Variants in TLN2 observed in about 807,000 individuals in gnomAD.
TLN2 encodes the protein talin 2.
Under a neutral mutation model 294.7 loss-of-function variants are expected in TLN2, and 118 were observed. That is an observed-to-expected ratio of 0.40 (90% CI 0.34 to 0.47). The LOEUF is 0.47. Among genes scored for constraint, TLN2 ranks in the 20% least tolerant of loss-of-function variants. The probability of loss-of-function intolerance (pLI) is 0.84; values close to 1 mark genes in which losing one functional copy is unlikely to be tolerated. For synonymous variants in TLN2, 1,431 were observed against 1,304.5 expected, an observed-to-expected ratio of 1.10 and a Z score of -2.09; for missense variants, 3,083 against 3,282.2, an observed-to-expected ratio of 0.94 and a Z score of 1.48.
In TLN2 at chr15:62,717,532, A is replaced by G. The variant is rs748437358; in HGVS notation, c.2764-44A>G. On this transcript the variant is annotated intron_variant, in intron 23 of 58. Coordinates refer to ENST00000636159, the MANE Select transcript of TLN2 (RefSeq NM_015059.3). ...GAAGTGACCTGTAGAACATGCATGT[A>G]TATTGCATATGCAGATCCTGACTCA... 5 of 1,330,046 alleles carry G rather than the reference A, an allele frequency of 3.8e-6. No individual in the cohort carries two copies. In the South Asian group the frequency reaches 8.1e-5, roughly 22 times the overall value. The allele number at this position is 1,330,046 out of a possible 1,614,324, so 82.4% of individuals were successfully genotyped here.
intron 1 of TLN2, among the ~76,000 whole-genome samples, chr15:62,465,706 T>G (rs894085378): frequency 6.6e-6 from 1 of 152,230 alleles, no homozygotes; most frequent in Non-Finnish European, 1.5e-5. Context: ...GTGAGCTGAT[T>G]TTATGGTTGC....
chr15:62,395,980 C>T (rs144965242), intron 1 of TLN2, among the ~76,000 whole-genome samples: 159 of 152,134 alleles, frequency 1.0e-3, no homozygotes, highest in African/African-American at 3.8e-3. Flanking sequence ...GAATTACAGG[C>T]ACCCGCCACC....
intron 1 of TLN2, among the ~76,000 whole-genome samples, chr15:62,528,670 C>CTTTTTTT (rs3055755): frequency 2.6e-4 from 25 of 96,782 alleles, no homozygotes; most frequent in East Asian, 6.7e-4. Context: ...CCAGAGCTTG[C>CTTTTTTT]TTTTTTTTTT....
At chr15:62,480,363 G>A (rs1054403375) in intron 1 of TLN2, among the ~76,000 whole-genome samples, 4 of 152,000 alleles carry the variant, frequency 2.6e-5, no homozygotes, top group Non-Finnish European at 2.9e-5. Context: ...ATAGGTGCCC[G>A]CCACCATGCC....
intron 52 of TLN2, among the ~76,000 whole-genome samples, chr15:62,818,844 TTTTA>T (rs10565732): frequency 0.98 from 138,870 of 141,774 alleles, 68,030 homozygotes; most frequent in South Asian, 1. Flanking sequence ...TTTTTTTTAT[TTTTA>T]TTTATTTATT....
rs746576084 is a variant in TLN2, at chr15:62,647,420, G to T, written c.110G>T (p.Arg37Leu). The change falls in exon 4 of 59, where the codon CGG becomes CTG. Residue 37 changes from arginine (R) to leucine (L), a missense_variant. By Grantham distance (102) the Arg-to-Leu change is moderately radical (BLOSUM62 -2). Coordinates refer to ENST00000636159, the MANE Select transcript of TLN2 (RefSeq NM_015059.3). The stretch of plus-strand genomic sequence containing the variant: ...GATGCGTGTCGAGTCATTCGGGAAC[G>T]GGTGCCTGAGGCACAAACTGGGCAA... ...VYDACRVIRE[R>L]VPEAQTGQAS... is the part of the protein sequence containing the mutation. The T allele has an allele frequency of 1.2e-6, 2 of 1,614,158 alleles. No homozygotes were observed. The highest frequency in any genetic ancestry group is 1.3e-5 in the African/African-American group (1 of 75,038).
intron 50 of TLN2, 95 bp downstream of exon 50, chr15:62,800,864 C>A: frequency 2.0e-6 from 2 of 980,172 alleles, no homozygotes; most frequent in Non-Finnish European, 1.5e-6. Flanking sequence ...GAGGTTTTAC[C>A]TAAAACACCT....
At chr15:62,463,497 G>A (rs1192408484) in intron 1 of TLN2, among the ~76,000 whole-genome samples, 2 of 152,056 alleles carry the variant, frequency 1.3e-5, no homozygotes, top group African/African-American at 2.4e-5. Flanking sequence ...TTGTTAATGC[G>A]ATGTGAGTGC....
At position 62,842,047 on chromosome 15, in the gene TLN2, G is replaced by A. The variant is rs910117095; in HGVS notation, c.*1437G>A. ...TATAGTTTCAAAGTTCCACTGACGG[G>A]GGAAAGTTGGTGCTTTGGTCCTCCG... On this transcript the variant is annotated 3_prime_UTR_variant, in exon 59 of 59. Coordinates refer to ENST00000636159, the MANE Select transcript of TLN2 (RefSeq NM_015059.3). The A allele has an allele frequency of 6.6e-6, 1 of 152,066 alleles. No homozygotes were observed. Among genetic ancestry groups the A allele is most frequent in the African/African-American group, 2.4e-5 (1 of 41,404 alleles). 9.4% of individuals were successfully genotyped at this position (152,066 alleles called of 1,614,324 possible). A position where few individuals can be genotyped will look rare whatever the true frequency, so the allele number is the denominator to read the frequency against.
intron 57 of TLN2, among the ~76,000 whole-genome samples, chr15:62,836,914 CTTCA>C (rs1332298686): frequency 6.6e-6 from 1 of 152,098 alleles, no homozygotes; most frequent in Non-Finnish European, 1.5e-5. Context: ...GAAGATAAGG[CTTCA>C]TTAACTTCTC....
chr15:62,773,802 G>A (rs2063509834), intron 42 of TLN2, among the ~76,000 whole-genome samples: 1 of 152,098 alleles, frequency 6.6e-6, no homozygotes, highest in African/African-American at 2.4e-5. Context: ...AAACAATGAA[G>A]GTAATTATGA....
At chr15:62,478,246 T>A (rs560516273) in intron 1 of TLN2, among the ~76,000 whole-genome samples, 1 of 152,294 alleles carries the variant, frequency 6.6e-6, no homozygotes, top group African/African-American at 2.4e-5. Context: ...AGACCTCATG[T>A]GGAGTTCCTT....
At chr15:62,508,983 G>A (rs1217179033) in intron 1 of TLN2, among the ~76,000 whole-genome samples, 1 of 152,178 alleles carries the variant, frequency 6.6e-6, no homozygotes, top group Non-Finnish European at 1.5e-5. Context: ...TAATCTTAGT[G>A]TTTTACTTAT....
Position 62,769,409 on chromosome 15 carries a change from C to T in TLN2, c.5197-1555C>T, listed in dbSNP as rs910774318. Among the ~76,000 whole-genome samples, 3 of 152,306 alleles carry T rather than the reference C, an allele frequency of 2.0e-5. No individual in the cohort carries two copies. In the East Asian group the frequency reaches 5.8e-4, roughly 29 times the overall value. On this transcript the variant is annotated intron_variant, in intron 41 of 58. Transcript: ENST00000636159. Reference sequence around the variant, plus strand: ...GAAGTGGGAAGTAGGGACGAAAATTCAGCCCATGCTCTGCCCTGGCGTCGC... The same window carrying T: ...GAAGTGGGAAGTAGGGACGAAAATTTAGCCCATGCTCTGCCCTGGCGTCGC...
At chr15:62,578,060 A>G (rs2044584158) in intron 1 of TLN2, among the ~76,000 whole-genome samples, 1 of 152,198 alleles carries the variant, frequency 6.6e-6, no homozygotes, top group Non-Finnish European at 1.5e-5. Flanking sequence ...TCCATGGTGT[A>G]TATGTGCCGT....
intron 24 of TLN2, 32 bp downstream of exon 24, chr15:62,717,721 G>T: frequency 6.9e-7 from 1 of 1,452,022 alleles, no homozygotes; most frequent in Non-Finnish European, 9.2e-7. Flanking sequence ...AGCCAGGTCA[G>T]CTGCAGATGA....
chr15:62,739,451 G>C lies in TLN2; in HGVS notation c.3791G>C (p.Gly1264Ala). The C allele has an allele frequency of 1.9e-6, 3 of 1,614,196 alleles. No homozygotes were observed. Among genetic ancestry groups the C allele is most frequent in the Non-Finnish European group, 1.7e-6 (2 of 1,180,028 alleles). Residue 1264 changes from glycine (G) to alanine (A), a missense_variant, in exon 31 of 59, where the codon GGC (glycine) becomes GCC (alanine). Coordinates refer to ENST00000636159, the MANE Select transcript of TLN2 (RefSeq NM_015059.3). ...SAGEVVHATR[G>A]QSGELAAASG... The stretch of plus-strand genomic sequence containing the variant: ...GGGGAAGTGGTCCATGCCACCCGGG[G>C]CCAGAGTGGAGAGTTGGCTGCAGCC...
At chr15:62,725,140 CT>C in intron 27 of TLN2, 36 bp downstream of exon 27, 5 of 1,581,048 alleles carry the variant, frequency 3.2e-6, no homozygotes, top group Non-Finnish European at 1.7e-6. Context: ...GCGGGTGTAC[CT>C]TTTGTTATGA....
At chr15:62,540,006 A>T (rs2041582502) in intron 1 of TLN2, among the ~76,000 whole-genome samples, 1 of 152,026 alleles carries the variant, frequency 6.6e-6, no homozygotes, top group African/African-American at 2.4e-5. Context: ...AATAAATTCA[A>T]ACGAACTCAT....
Sources: allele counts gnomAD v4.1 joint callset (sites outside exome capture counted in the v4.1 genomes callset), GRCh38; gene constraint gnomAD v4.1.1; transcripts MANE v1.5; gene names NCBI Gene and HGNC (gene_info 2026-07-23, HGNC 2026-07-21).